Variants in SLC24A5 observed in about 807,000 individuals in gnomAD.
SLC24A5 encodes the protein solute carrier family 24 member 5, also known as sodium/potassium/calcium exchanger 5.
Under a neutral mutation model 51.6 loss-of-function variants are expected in SLC24A5, and 46 were observed. That is an observed-to-expected ratio of 0.89 (90% CI 0.70 to 1.14). The LOEUF (loss-of-function observed/expected upper bound fraction) is 1.14. Among genes scored for constraint, SLC24A5 ranks in the 50% most tolerant of loss-of-function variants. SLC24A5 has a pLI of 0.00. For missense variants in SLC24A5, 581 were observed against 604.1 expected, an observed-to-expected ratio of 0.96 and a Z score of 0.40; for synonymous variants, 230 against 214.9, an observed-to-expected ratio of 1.07 and a Z score of -0.62.
At chr15:48,128,199 A>G (rs2038751789) in intron 2 of SLC24A5, among the ~76,000 whole-genome samples, 1 of 152,036 alleles carries the variant, frequency 6.6e-6, no homozygotes, top group Admixed American at 6.6e-5. Flanking sequence ...CTATATACAT[A>G]GAAAACTCTG....
At chr15:48,125,765 C>T (rs1048127991) in intron 2 of SLC24A5, among the ~76,000 whole-genome samples, 15 of 152,248 alleles carry the variant, frequency 9.9e-5, no homozygotes, top group African/African-American at 3.6e-4. Flanking sequence ...AACATTTTGT[C>T]CAAGATCATG....
chr15:48,141,084 T>C (rs1263729474), intron 7 of SLC24A5, 29 bp from the exon 8 acceptor site: 4 of 1,554,270 alleles, frequency 2.6e-6, no homozygotes, highest in Non-Finnish European at 3.5e-6. Context: ...TCTTTAAGAT[T>C]TGTAACTTGA....
At chr15:48,133,548 G>C (rs2038821259) in intron 2 of SLC24A5, among the ~76,000 whole-genome samples, 1 of 152,186 alleles carries the variant, frequency 6.6e-6, no homozygotes, top group Admixed American at 6.5e-5. Flanking sequence ...TCCTATTCTA[G>C]AGCAAAATTT....
At position 48,134,256 on chromosome 15, in the gene SLC24A5, A is replaced by G. The variant is rs1343931250; in HGVS notation, c.302-2A>G. Reference sequence around the variant, plus strand: ...CATAACAATCATTTCATTTATGTTCAGCCCTTGGATTGTCTCAGGATGTTG... The same window carrying G: ...CATAACAATCATTTCATTTATGTTCGGCCCTTGGATTGTCTCAGGATGTTG... On this transcript the variant is annotated splice_acceptor_variant, in intron 2 of 8. Transcript: ENST00000341459. LOFTEE classifies it high-confidence loss of function. The G allele has an allele frequency of 1.2e-6, 2 of 1,612,738 alleles. No homozygotes were observed. Among genetic ancestry groups the G allele is most frequent in the Non-Finnish European group, 1.7e-6 (2 of 1,179,072 alleles).
At chr15:48,141,567 G>A (rs545689180) in intron 8 of SLC24A5, 52 of 159,630 alleles carry the variant, frequency 3.3e-4, no homozygotes, top group South Asian at 1.4e-3. Context: ...GCAACAGAGC[G>A]AGACTGTGTC....
At chr15:48,124,171 T>G (rs1434785885) in intron 2 of SLC24A5, 2 of 152,140 alleles carry the variant, frequency 1.3e-5, no homozygotes, top group African/African-American at 2.4e-5. Context: ...TGGTTCTCCT[T>G]TTGGTTTTAT....
chr15:48,129,153 C>T (rs1461470411), intron 2 of SLC24A5, among the ~76,000 whole-genome samples: 1 of 151,936 alleles, frequency 6.6e-6, no homozygotes, highest in Non-Finnish European at 1.5e-5. Context: ...CCTTTAAAAG[C>T]ATTACAGGTT....
In SLC24A5 at chr15:48,142,088, C is replaced by T. The variant is rs770666675; in HGVS notation, c.1240C>T (p.Leu414Phe). The T allele has an allele frequency of 6.2e-7, 1 of 1,613,846 alleles. No individual in the cohort carries two copies. Among genetic ancestry groups the T allele is most frequent in the African/African-American group, 1.3e-5 (1 of 75,010 alleles). The change falls in exon 9 of 9, where the codon CTT becomes TTT. Residue 414 changes from leucine (L) to phenylalanine (F), a missense_variant. Coordinates refer to ENST00000341459, the MANE Select transcript of SLC24A5 (RefSeq NM_205850.3). The part of the protein sequence containing the change: ...VGSNVFDMLC[L>F]GIPWFIKTAF... ...ATCCAATGTGTTTGATATGTTGTGCCTTGGTATTCCATGGTTTATTAAAAC... is the reference window on the plus strand; with the variant it reads ...ATCCAATGTGTTTGATATGTTGTGCTTTGGTATTCCATGGTTTATTAAAAC...
chr15:48,121,259 A>G (rs965912190), intron 1 of SLC24A5, 94 bp downstream of exon 1: 8 of 1,336,192 alleles, frequency 6.0e-6, no homozygotes, highest in Middle Eastern at 2.6e-4. Flanking sequence ...AAAATTCTCA[A>G]TGGGCTCACT....
intron 2 of SLC24A5, among the ~76,000 whole-genome samples, chr15:48,126,999 T>C (rs542162064): frequency 2.6e-5 from 4 of 152,264 alleles, no homozygotes; most frequent in Middle Eastern, 3.4e-3. Context: ...CGTCATATGC[T>C]CTAGTGCCAC....
At chr15:48,137,070 T>C in intron 6 of SLC24A5, 107 bp downstream of exon 6, 1 of 1,226,514 alleles carries the variant, frequency 8.2e-7, no homozygotes, top group South Asian at 1.6e-5. Flanking sequence ...AAAAAGACTG[T>C]GAAGACTCAG....
intron 2 of SLC24A5, among the ~76,000 whole-genome samples, chr15:48,130,877 G>A (rs1485589138): frequency 1.3e-5 from 2 of 152,068 alleles, no homozygotes; most frequent in Non-Finnish European, 2.9e-5. Flanking sequence ...GGGCCTAAGT[G>A]CCATTCTTAT....
chr15:48,136,585 C>A (rs1167643956), intron 5 of SLC24A5, 98 bp from the exon 6 acceptor site: 127 of 1,158,032 alleles, frequency 1.1e-4, no homozygotes, highest in East Asian at 2.4e-5. Flanking sequence ...TCTATGGCTA[C>A]TTTTGTTAGA....
At chr15:48,132,659 C>T (rs1190951501) in intron 2 of SLC24A5, among the ~76,000 whole-genome samples, 1 of 152,100 alleles carries the variant, frequency 6.6e-6, no homozygotes, top group Non-Finnish European at 1.5e-5. Context: ...CAGCTATGGT[C>T]AGAGGATGGA....
At position 48,142,155 on chromosome 15, in the gene SLC24A5, G is replaced by C. The variant is rs565338261; in HGVS notation, c.1307G>C (p.Arg436Thr). 7 of 1,613,838 alleles carry C rather than the reference G, an allele frequency of 4.3e-6. No homozygotes were observed. In the South Asian group the frequency reaches 7.7e-5, roughly 18 times the overall value. The change falls in exon 9 of 9, where the codon AGA becomes ACA. Residue 436 changes from arginine to threonine, a missense_variant. Physicochemically the swap from Arg to Thr is moderately conservative, Grantham distance 71. Transcript: ENST00000341459. ...NGSAPAEVNSRGLTYITISLN... is the reference protein window; with the variant it reads ...NGSAPAEVNSTGLTYITISLN... ...TCAGCTCCTGCAGAAGTAAACAGCA[G>C]AGGACTAACTTACATAACCATCTCT...
At chr15:48,134,591 T>A (rs2038850504) in intron 4 of SLC24A5, 53 bp downstream of exon 4, 17 of 1,426,124 alleles carry the variant, frequency 1.2e-5, no homozygotes, top group Non-Finnish European at 6.9e-6. Flanking sequence ...ATTCTAAAGA[T>A]AACTGTTCGT....
intron 4 of SLC24A5, 165 bp downstream of exon 4, chr15:48,134,703 T>A (rs2038853209): frequency 5.6e-6 from 4 of 719,688 alleles, no homozygotes; most frequent in African/African-American, 1.8e-5. Context: ...CACAAATAGC[T>A]CTTGGTCAGA....
intron 7 of SLC24A5, chr15:48,139,551 C>T (rs1459913119): frequency 6.5e-6 from 1 of 154,468 alleles, no homozygotes; most frequent in Non-Finnish European, 1.4e-5. Flanking sequence ...AAAACAAAAA[C>T]AAAGCAAGGA....
intron 2 of SLC24A5, among the ~76,000 whole-genome samples, chr15:48,132,219 T>G (rs1300672131): frequency 6.6e-6 from 1 of 152,174 alleles, no homozygotes; most frequent in African/African-American, 2.4e-5. Context: ...TAGAATACTT[T>G]TAGCCCAGGC....
Sources: allele counts gnomAD v4.1 joint callset (sites outside exome capture counted in the v4.1 genomes callset), GRCh38; gene constraint gnomAD v4.1.1; transcripts MANE v1.5; gene names NCBI Gene and HGNC (gene_info 2026-07-23, HGNC 2026-07-21).